CTTNBP2: variants seen among roughly 807,000 people sequenced by gnomAD.
The protein encoded by CTTNBP2 is cortactin-binding protein 2.
CTTNBP2 carries 108 observed loss-of-function variants against 156.9 expected under a neutral mutation model. That is an observed-to-expected ratio of 0.69 (90% confidence interval 0.59 to 0.81). The LOEUF (loss-of-function observed/expected upper bound fraction) is 0.81. Among genes scored for constraint, CTTNBP2 ranks in the 30% least tolerant of loss-of-function variants. The probability of loss-of-function intolerance (pLI) is 0.00; values close to 1 mark genes in which losing one functional copy is unlikely to be tolerated. For synonymous variants in CTTNBP2, 767 were observed against 751.8 expected, an observed-to-expected ratio of 1.02 and a Z score of -0.33; for missense variants, 1,924 against 2,035.4, an observed-to-expected ratio of 0.95 and a Z score of 1.05.
chr7:117,854,305 A>G (rs1046739328), intron 2 of CTTNBP2, among the ~76,000 whole-genome samples: 8 of 152,240 alleles, frequency 5.3e-5, no homozygotes, highest in African/African-American at 1.9e-4. Context: ...CTGCATTCAC[A>G]GGAGAATTCT....
chr7:117,740,084 T>C (rs1409869791), intron 14 of CTTNBP2, among the ~76,000 whole-genome samples: 1 of 152,072 alleles, frequency 6.6e-6, no homozygotes, highest in Non-Finnish European at 1.5e-5. Flanking sequence ...ATTCACAGCC[T>C]CCTTACCAAA....
rs185197012 is a variant in CTTNBP2 at position 117,760,330 on chromosome 7, G to C, written c.3172+105C>G. On this transcript the variant is annotated intron_variant, in intron 10 of 22. Coordinates refer to ENST00000160373, the MANE Select transcript of CTTNBP2 (RefSeq NM_033427.3). ...CAGCACCGGCAGCTGCCACAAGTAA[G>C]CTTTGAATGTGCTTAATCAATGAAC... 6 of 1,137,092 alleles carry C rather than the reference G, an allele frequency of 5.3e-6. No homozygotes were observed. In the Admixed American group the frequency reaches 1.2e-4, roughly 23 times the overall value. 70.4% of individuals were successfully genotyped at this position (1,137,092 alleles called of 1,614,324 possible).
intron 2 of CTTNBP2, among the ~76,000 whole-genome samples, chr7:117,812,161 C>A (rs7792089): frequency 0.52 from 78,267 of 151,614 alleles, 20,744 homozygotes; most frequent in East Asian, 0.72. Context: ...CAATGAGGAC[C>A]AAATGCAATT....
At chr7:117,867,209 G>C (rs1804257708) in intron 1 of CTTNBP2, among the ~76,000 whole-genome samples, 1 of 152,132 alleles carries the variant, frequency 6.6e-6, no homozygotes, top group Non-Finnish European at 1.5e-5. Flanking sequence ...CTACAAGGAG[G>C]AAAGAATTTT....
intron 3 of CTTNBP2, among the ~76,000 whole-genome samples, chr7:117,804,799 G>A (rs1407843603): frequency 6.6e-6 from 1 of 152,186 alleles, no homozygotes; most frequent in East Asian, 1.9e-4. Context: ...CATCAGGAAG[G>A]ATAGCTAATG....
intron 2 of CTTNBP2, among the ~76,000 whole-genome samples, chr7:117,859,567 T>C (rs942565828): frequency 1.3e-5 from 2 of 152,204 alleles, no homozygotes; most frequent in African/African-American, 4.8e-5. Flanking sequence ...GAGGCTATAC[T>C]ACTGGCCTTC....
chr7:117,725,876 T>C (rs1161627296), intron 17 of CTTNBP2, among the ~76,000 whole-genome samples: 1 of 152,010 alleles, frequency 6.6e-6, no homozygotes, highest in Non-Finnish European at 1.5e-5. Flanking sequence ...TTAGTAGAGA[T>C]GGGGTTTTCA....
Position 117,819,318 on chromosome 7 carries a change from G to A in CTTNBP2, c.190-8329C>T, listed in dbSNP as rs570322434. ...CTAAGAGGGGTTGAATAGCAGAGGA[G>A]TGAGTTTACACATTCACATACTCTT... On this transcript the variant is annotated intron_variant, in intron 2 of 22. Coordinates refer to ENST00000160373, the MANE Select transcript of CTTNBP2 (RefSeq NM_033427.3). Among the ~76,000 whole-genome samples, 5 of 151,816 alleles carry A rather than the reference G, an allele frequency of 3.3e-5. No individual in the cohort carries two copies. The South Asian group carries it at 6.3e-4, about 19-fold the overall frequency.
chr7:117,836,504 A>G (rs1336256101), intron 2 of CTTNBP2, among the ~76,000 whole-genome samples: 1 of 152,188 alleles, frequency 6.6e-6, no homozygotes, highest in Non-Finnish European at 1.5e-5. Context: ...CGGAGCTGGC[A>G]GTGAGCTGAG....
intron 1 of CTTNBP2, among the ~76,000 whole-genome samples, chr7:117,866,044 T>G (rs929844469): frequency 2.6e-5 from 4 of 151,304 alleles, no homozygotes; most frequent in Admixed American, 2.6e-4. Flanking sequence ...TTCAACACTG[T>G]AGTTTTGAAC....
chr7:117,789,244 C>T (rs1049549740), intron 4 of CTTNBP2, among the ~76,000 whole-genome samples: 1 of 152,136 alleles, frequency 6.6e-6, no homozygotes, highest in African/African-American at 2.4e-5. Flanking sequence ...CCAAAGGGCA[C>T]ATGCAGCTAA....
chr7:117,781,492 G>C (rs1798431097), intron 6 of CTTNBP2, among the ~76,000 whole-genome samples: 2 of 152,116 alleles, frequency 1.3e-5, no homozygotes, highest in Admixed American at 1.3e-4. Context: ...TGTAATCCCA[G>C]CACTTTGGGA....
At chr7:117,861,582 C>T (rs1283137834) in intron 1 of CTTNBP2, among the ~76,000 whole-genome samples, 1 of 152,106 alleles carries the variant, frequency 6.6e-6, no homozygotes, top group East Asian at 1.9e-4. Flanking sequence ...CTCCAAATTA[C>T]ATAGCACAAA....
chr7:117,750,367 G>A (rs1435526549), intron 12 of CTTNBP2, among the ~76,000 whole-genome samples: 3 of 152,096 alleles, frequency 2.0e-5, no homozygotes, highest in Non-Finnish European at 4.4e-5. Flanking sequence ...TCATTGAAAA[G>A]GCCATTCACT....
At chr7:117,854,075 T>C (rs1016262808) in intron 2 of CTTNBP2, among the ~76,000 whole-genome samples, 10 of 152,256 alleles carry the variant, frequency 6.6e-5, no homozygotes, top group African/African-American at 2.4e-4. Flanking sequence ...ATCAGCTATT[T>C]GTTCTTTCTG....
chr7:117,849,080 G>C (rs983215453), intron 2 of CTTNBP2, among the ~76,000 whole-genome samples: 1 of 152,172 alleles, frequency 6.6e-6, no homozygotes, highest in African/African-American at 2.4e-5. Flanking sequence ...CCTGAGAAGA[G>C]CCACTGCCTC....
rs1798983257 is a variant in CTTNBP2 at position 117,791,230 on chromosome 7, G to A, written c.1966C>T (p.Leu656Phe). The A allele has an allele frequency of 3.7e-6, 6 of 1,614,070 alleles. No individual in the cohort carries two copies. In the African/African-American group the frequency reaches 8.0e-5, roughly 22 times the overall value. Residue 656 changes from leucine (L) to phenylalanine (F), a missense_variant, in exon 4 of 23, where the codon CTT becomes TTT. Transcript: ENST00000160373. ...AAGGCAATGGTGGTAGGAATGACAA[G>A]GGAACTGTCTGAACATGCAGGTTGG... The part of the protein sequence containing the change: ...LNQPACSDSS[L>F]VIPTTIAFCS...
At chr7:117,872,470 C>A (rs1490178949) in intron 1 of CTTNBP2, among the ~76,000 whole-genome samples, 1 of 152,206 alleles carries the variant, frequency 6.6e-6, no homozygotes, top group Non-Finnish European at 1.5e-5. Context: ...CACCGAGAAC[C>A]TTTTCCACCC....
chr7:117,719,946 G>A (rs1280463546), intron 20 of CTTNBP2, among the ~76,000 whole-genome samples: 1 of 152,148 alleles, frequency 6.6e-6, no homozygotes, highest in Non-Finnish European at 1.5e-5. Flanking sequence ...CTGTGGCATA[G>A]GGGACAATGT....
Sources: allele counts gnomAD v4.1 joint callset (sites outside exome capture counted in the v4.1 genomes callset), GRCh38; gene constraint gnomAD v4.1.1; transcripts MANE v1.5; gene names NCBI Gene and HGNC (gene_info 2026-07-23, HGNC 2026-07-21).